Variants in CPNE3 observed in about 807,000 individuals in gnomAD.
CPNE3 encodes the protein copine 3.
A neutral mutation model predicts 63.9 loss-of-function variants in CPNE3; 68 were observed. That is an observed-to-expected ratio of 1.06 (90% CI 0.87 to 1.30). The LOEUF is 1.30. Among genes scored for constraint, CPNE3 ranks in the 50% most tolerant of loss-of-function variants. The pLI, the probability that CPNE3 is intolerant of heterozygous loss-of-function variation, is 0.00. For synonymous variants in CPNE3, 219 were observed against 197.5 expected (o/e 1.11, Z -0.91); for missense variants, 665 against 578.1 (o/e 1.15, Z -1.54).
At chr8:86,527,843 A>C (rs998236721) in intron 2 of CPNE3, among the ~76,000 whole-genome samples, 3 of 151,184 alleles carry the variant, frequency 2.0e-5, no homozygotes, top group African/African-American at 7.3e-5. Context: ...AATAAAACTT[A>C]ATCTGTTTTG....
At chr8:86,548,524 G>A in intron 12 of CPNE3, 90 bp downstream of exon 12, 4 of 1,497,260 alleles carry the variant, frequency 2.7e-6, no homozygotes, top group South Asian at 2.5e-5. Flanking sequence ...TCTGATATAG[G>A]TGGTAGGTTG....
intron 2 of CPNE3, among the ~76,000 whole-genome samples, chr8:86,517,825 A>G (rs1357680594): frequency 6.6e-6 from 1 of 152,218 alleles, no homozygotes; most frequent in Non-Finnish European, 1.5e-5. Context: ...AGCACCTTAG[A>G]ACAGTGCCTG....
At chr8:86,523,893 T>C (rs1466788230) in intron 2 of CPNE3, among the ~76,000 whole-genome samples, 1 of 152,142 alleles carries the variant, frequency 6.6e-6, no homozygotes, top group African/African-American at 2.4e-5. Flanking sequence ...CGGCCTGAAG[T>C]GGATCTTGAA....
At chr8:86,547,664 CTTGTA>C (rs1821083344) in intron 10 of CPNE3, 42 bp from the exon 11 acceptor site, 1 of 832,932 alleles carries the variant, frequency 1.2e-6, no homozygotes, top group Non-Finnish European at 2.0e-6. Context: ...TTTTGCTTCT[CTTGTA>C]TAGTAGGAGA....
chr8:86,558,144 C>T (rs1821361655), intron 16 of CPNE3, 144 bp from the exon 17 acceptor site: 2 of 610,780 alleles, frequency 3.3e-6, no homozygotes, highest in African/African-American at 1.8e-5. Context: ...TTCCATATTT[C>T]ATGGGCGGTT....
In CPNE3 at chr8:86,539,336, T is replaced by C. The variant is rs139974849; in HGVS notation, c.544-909T>C. Among the ~76,000 whole-genome samples, 439 of 152,320 alleles carry C rather than the reference T, an allele frequency of 2.9e-3. 7 individuals carry two copies. Among genetic ancestry groups the C allele is most frequent in the Admixed American group, 0.025 (375 of 15,296 alleles). On this transcript the variant is annotated intron_variant, in intron 7 of 16. Transcript: ENST00000517490. ...TGTCCCAGAGCTGGTATGAGCCATG[T>C]CTCTTAATAAGCCCTATTCCTGCAA... is the stretch of plus-strand genomic sequence containing the variant.
At chr8:86,548,269 C>T (rs1350615825) in intron 11 of CPNE3, 32 bp from the exon 12 acceptor site, 3 of 1,611,322 alleles carry the variant, frequency 1.9e-6, no homozygotes, top group Non-Finnish European at 2.5e-6. Context: ...CCTGCCTTCT[C>T]CTTACTAAGG....
At chr8:86,527,946 A>ATT (rs869225401) in intron 2 of CPNE3, among the ~76,000 whole-genome samples, 896 of 85,914 alleles carry the variant, frequency 0.01, 81 homozygotes, top group East Asian at 0.062. Flanking sequence ...GTAAAAAGAA[A>ATT]TTTTTTTTTT....
rs1167262660 is a variant in CPNE3 at position 86,554,841 on chromosome 8, T to C, written c.1121-10T>C. ...TTTAGTACTGTTTTTTATTTGTTTG[T>C]TTGTTCTAGGAATCCAAGGCATTGT... On this transcript the variant is annotated splice_polypyrimidine_tract_variant and intron_variant, in intron 14 of 16. Coordinates refer to ENST00000517490, the MANE Select transcript of CPNE3 (RefSeq NM_003909.5). The C allele has an allele frequency of 1.2e-6, 2 of 1,610,018 alleles. No homozygotes were observed. The highest frequency in any genetic ancestry group is 2.2e-5 in the East Asian group (1 of 44,840).
Position 86,558,331 on chromosome 8 carries a change from C to T in CPNE3, c.1535C>T (p.Pro512Leu), listed in dbSNP as rs1821366379. 1.1e-6 allele frequency: 1 copy of T among 872,806 alleles called. No homozygotes were observed. The highest frequency in any genetic ancestry group is 2.0e-6 in the Non-Finnish European group (1 of 501,668). 54.1% of individuals were successfully genotyped at this position (872,806 alleles called of 1,614,324 possible). The change falls in exon 17 of 17, where the codon CCC (proline) becomes CTC (leucine). Residue 512 changes from proline to leucine, a missense_variant. Physicochemically the swap from Pro to Leu is moderately conservative, Grantham distance 98 (BLOSUM62 -3). Coordinates refer to ENST00000517490, the MANE Select transcript of CPNE3 (RefSeq NM_003909.5). ...GCTCAGTGTGTCTTGGCAGAGATTC[C>T]CCAGCAGGTGGTGGGCTACTTCAAT... ...ALAQCVLAEI[P>L]QQVVGYFNTY...
At chr8:86,557,475 C>T (rs1245701004) in intron 16 of CPNE3, among the ~76,000 whole-genome samples, 1 of 152,172 alleles carries the variant, frequency 6.6e-6, no homozygotes, top group African/African-American at 2.4e-5. Context: ...TTTTATTCCT[C>T]TGGGATAAAT....
At chr8:86,537,356 A>G (rs1050341159) in intron 6 of CPNE3, among the ~76,000 whole-genome samples, 9 of 152,214 alleles carry the variant, frequency 5.9e-5, no homozygotes, top group Non-Finnish European at 1.0e-4. Context: ...CAGGATTATG[A>G]GCATTTATCA....
chr8:86,529,955 A>G (rs573203614), intron 4 of CPNE3, among the ~76,000 whole-genome samples: 55 of 152,260 alleles, frequency 3.6e-4, no homozygotes, highest in African/African-American at 1.2e-3. Flanking sequence ...AACTTTGATA[A>G]ATAATATCAA....
At chr8:86,541,522 G>A (rs1180200202) in intron 8 of CPNE3, among the ~76,000 whole-genome samples, 1 of 151,962 alleles carries the variant, frequency 6.6e-6, no homozygotes, top group African/African-American at 2.4e-5. Flanking sequence ...TGGGCAACAT[G>A]GCAAAATACT....
At chr8:86,522,913 C>T (rs1820466610) in intron 2 of CPNE3, among the ~76,000 whole-genome samples, 1 of 152,182 alleles carries the variant, frequency 6.6e-6, no homozygotes, top group Non-Finnish European at 1.5e-5. Flanking sequence ...TGAGCCTGCG[C>T]TCCCCTCACC....
At chr8:86,557,983 A>T (rs1277685229) in intron 16 of CPNE3, among the ~76,000 whole-genome samples, 1 of 152,224 alleles carries the variant, frequency 6.6e-6, no homozygotes, top group African/African-American at 2.4e-5. Context: ...AAAAAAATTA[A>T]TACCAAGTAA....
rs996933534 is a variant in CPNE3 at position 86,528,791 on chromosome 8, G to T, written c.132+114G>T. The T allele has an allele frequency of 3.6e-6, 5 of 1,392,152 alleles. No individual in the cohort carries two copies. In the African/African-American group the frequency reaches 5.8e-5, roughly 16 times the overall value. 86.2% of individuals were successfully genotyped at this position (1,392,152 alleles called of 1,614,324 possible). Reference sequence around the variant, plus strand: ...ATCTCATCTGTTAATGGAGTTTTTTGTGAAAGTTTGTCCTTGATTGTAGAA... The same window carrying T: ...ATCTCATCTGTTAATGGAGTTTTTTTTGAAAGTTTGTCCTTGATTGTAGAA... On this transcript the variant is annotated intron_variant, in intron 3 of 16. Transcript: ENST00000517490.
intron 1 of CPNE3, chr8:86,515,256 A>G (rs1210253170): frequency 6.6e-6 from 1 of 152,210 alleles, no homozygotes; most frequent in African/African-American, 2.4e-5. Flanking sequence ...GCACTTAATG[A>G]TCATCTGCAC....
rs1404168317 is a variant in CPNE3, at chr8:86,558,310, A to G, written c.1514A>G (p.Gln505Arg). Residue 505 changes from glutamine to arginine, a missense_variant, in exon 17 of 17, where the codon CAG becomes CGG. Gln to Arg is a conservative substitution (Grantham distance 43, BLOSUM62 1). Transcript: ENST00000517490. Reference protein sequence around the residue: ...FQNAPKEALAQCVLAEIPQQV... With the variant: ...FQNAPKEALARCVLAEIPQQV... ...AAGGCTCCAAAAGAAGCACTTGCTCAGTGTGTCTTGGCAGAGATTCCCCAG... is the reference window on the plus strand; with the variant it reads ...AAGGCTCCAAAAGAAGCACTTGCTCGGTGTGTCTTGGCAGAGATTCCCCAG... 4.6e-6 allele frequency: 4 copies of G among 872,974 alleles called. No individual in the cohort carries two copies. In the Admixed American group the frequency reaches 6.8e-5, roughly 15 times the overall value. The allele number at this position is 872,974 out of a possible 1,614,324, so 54.1% of individuals were successfully genotyped here.
Sources: gnomAD v4.1 joint callset for allele counts (sites outside exome capture counted in the v4.1 genomes callset) on GRCh38, gnomAD v4.1.1 for gene constraint, MANE v1.5 for transcripts, NCBI Gene and HGNC (gene_info 2026-07-23, HGNC 2026-07-21) for gene names.